The following CNTNAP5 variants were observed in gnomAD, a reference collection of about 807,000 sequenced individuals.
CNTNAP5 encodes the protein contactin associated protein family member 5, also known as contactin-associated protein-like 5.
CNTNAP5 carries 72 observed loss-of-function variants against 150.2 expected under a neutral mutation model. The observed-to-expected ratio is 0.48, with a 90% CI of 0.40 to 0.58. CNTNAP5 has a LOEUF of 0.58. CNTNAP5 is among the 20% of genes least tolerant of loss of function. CNTNAP5 has a pLI of 0.00. For synonymous variants in CNTNAP5, 672 were observed against 619.8 expected (o/e 1.08, Z -1.25); for missense variants, 1,636 against 1,626.2 (o/e 1.01, Z -0.10).
At chr2:124,415,242 T>C (rs771042514) in intron 3 of CNTNAP5, among the ~76,000 whole-genome samples, 8 of 152,162 alleles carry the variant, frequency 5.3e-5, no homozygotes, top group Non-Finnish European at 1.2e-4. Flanking sequence ...AATGTTGAAT[T>C]TGAACCTCAA....
intron 22 of CNTNAP5, among the ~76,000 whole-genome samples, chr2:124,907,002 A>G (rs1433518666): frequency 2.6e-5 from 4 of 152,128 alleles, no homozygotes; most frequent in African/African-American, 9.7e-5. Flanking sequence ...ATGGAAGGCA[A>G]TGGTTCAGGG....
intron 10 of CNTNAP5, among the ~76,000 whole-genome samples, chr2:124,557,010 C>A (rs77905810): frequency 2.0e-5 from 3 of 149,578 alleles, no homozygotes; most frequent in African/African-American, 4.9e-5. Context: ...CCTTCCCCCC[C>A]GCTCAAAAAA....
intron 1 of CNTNAP5, among the ~76,000 whole-genome samples, chr2:124,173,111 G>A (rs1297634811): frequency 6.6e-6 from 1 of 152,114 alleles, no homozygotes; most frequent in Non-Finnish European, 1.5e-5. Context: ...GGCACCAAAA[G>A]TGCACCTCTA....
At chr2:124,196,434 C>T (rs1043931617) in intron 1 of CNTNAP5, among the ~76,000 whole-genome samples, 1 of 152,116 alleles carries the variant, frequency 6.6e-6, no homozygotes, top group Non-Finnish European at 1.5e-5. Flanking sequence ...GTGTACACAG[C>T]GATTACATGA....
chr2:124,724,594 G>C (rs995029794), intron 13 of CNTNAP5, among the ~76,000 whole-genome samples: 1 of 151,848 alleles, frequency 6.6e-6, no homozygotes, highest in Admixed American at 6.6e-5. Flanking sequence ...ACACAGTTGA[G>C]TCCAGCTTTC....
chr2:124,136,313 C>A (rs1377020399), intron 1 of CNTNAP5, among the ~76,000 whole-genome samples: 1 of 152,052 alleles, frequency 6.6e-6, no homozygotes, highest in Non-Finnish European at 1.5e-5. Context: ...GAATAACTAA[C>A]AATAGAGGGG....
intron 3 of CNTNAP5, among the ~76,000 whole-genome samples, chr2:124,253,933 A>G (rs956429984): frequency 6.6e-6 from 1 of 151,908 alleles, no homozygotes; most frequent in Non-Finnish European, 1.5e-5. Flanking sequence ...ATTCAAGTGT[A>G]TTTAATAACA....
At chr2:124,704,333 G>A (rs545917926) in intron 13 of CNTNAP5, among the ~76,000 whole-genome samples, 2 of 152,138 alleles carry the variant, frequency 1.3e-5, no homozygotes, top group Admixed American at 6.5e-5. Flanking sequence ...TAACACCTAA[G>A]TGAAGTGTTC....
chr2:124,213,166 C>G (rs1449090760), intron 1 of CNTNAP5, among the ~76,000 whole-genome samples: 2 of 152,042 alleles, frequency 1.3e-5, no homozygotes, highest in African/African-American at 2.4e-5. Context: ...CTCTTTCATC[C>G]TCATGATGCC....
At chr2:124,183,862 G>C (rs1353604633) in intron 1 of CNTNAP5, among the ~76,000 whole-genome samples, 1 of 152,162 alleles carries the variant, frequency 6.6e-6, no homozygotes, top group Non-Finnish European at 1.5e-5. Flanking sequence ...ATTACATTCA[G>C]TTGGTGCAAA....
rs111259083 is a variant in CNTNAP5, at chr2:124,839,424, A to ACTCT, written c.3218-25881_3218-25880insTCTC. ...CACCAAATCCTGTCAAAAATGACAC[A>ACTCT]CACTCTCTCTCTCTCTCTCTCTCCC... On this transcript the variant is annotated intron_variant, in intron 19 of 23. Transcript: ENST00000682447. Among the ~76,000 whole-genome samples the ACTCT allele has an allele frequency of 2.7e-3, 389 of 144,748 alleles. 1 individual carries two copies. Among genetic ancestry groups the ACTCT allele is most frequent in the Non-Finnish European group, 4.0e-3 (265 of 65,932 alleles). The allele number at this position is 144,748 out of a possible 152,430, so 95.0% of individuals were successfully genotyped here. A position where few individuals can be genotyped will look rare whatever the true frequency, so the allele number is the denominator to read the frequency against.
intron 1 of CNTNAP5, chr2:124,135,189 C>T (rs1382510505): frequency 2.0e-5 from 3 of 152,140 alleles, no homozygotes; most frequent in African/African-American, 7.2e-5. Flanking sequence ...AATGAACGGC[C>T]AAGGTTTTCA....
chr2:124,093,180 G>A (rs1258563340), intron 1 of CNTNAP5, among the ~76,000 whole-genome samples: 1 of 152,204 alleles, frequency 6.6e-6, no homozygotes, highest in South Asian at 2.1e-4. Context: ...ACCATGGCTT[G>A]TGGAGCTGAC....
At chr2:124,194,410 T>TAA (rs1234156376) in intron 1 of CNTNAP5, among the ~76,000 whole-genome samples, 1 of 3,618 alleles carries the variant, frequency 2.8e-4, no homozygotes, top group African/African-American at 5.6e-4. Context: ...TATATATATA[T>TAA]AAATATAAAT....
intron 8 of CNTNAP5, among the ~76,000 whole-genome samples, chr2:124,505,103 A>T (rs1694373119): frequency 6.6e-6 from 1 of 152,162 alleles, no homozygotes; most frequent in Admixed American, 6.5e-5. Flanking sequence ...GTCTCTTAGC[A>T]GTCTCATTGG....
At chr2:124,210,626 C>A (rs1304924441) in intron 1 of CNTNAP5, among the ~76,000 whole-genome samples, 1 of 152,112 alleles carries the variant, frequency 6.6e-6, no homozygotes. Context: ...AATTCTCTAT[C>A]CCCATCTCCA....
chr2:124,285,137 G>C (rs1011658383), intron 3 of CNTNAP5, among the ~76,000 whole-genome samples: 9 of 152,154 alleles, frequency 5.9e-5, no homozygotes, highest in African/African-American at 2.2e-4. Context: ...CGGGCAACTT[G>C]AGTAGCTTTA....
At chr2:124,579,165 A>C (rs1472424557) in intron 11 of CNTNAP5, among the ~76,000 whole-genome samples, 1 of 152,202 alleles carries the variant, frequency 6.6e-6, no homozygotes, top group East Asian at 1.9e-4. Context: ...TAATGCTGCC[A>C]GGAGGTCTTC....
intron 11 of CNTNAP5, among the ~76,000 whole-genome samples, chr2:124,569,814 G>A (rs760922331): frequency 6.6e-6 from 1 of 152,158 alleles, no homozygotes; most frequent in African/African-American, 2.4e-5. Flanking sequence ...GTATTAATTT[G>A]AAGCATATCA....
Sources: allele counts gnomAD v4.1 joint callset (sites outside exome capture counted in the v4.1 genomes callset), GRCh38; gene constraint gnomAD v4.1.1; transcripts MANE v1.5; gene names NCBI Gene and HGNC (gene_info 2026-07-23, HGNC 2026-07-21).